The following CACNB2 variants were observed in gnomAD, a reference collection of about 807,000 sequenced individuals.
CACNB2 encodes the protein voltage-dependent L-type calcium channel subunit beta-2.
In CACNB2, 42 loss-of-function variants were observed where a neutral mutation model predicts 73.3. The ratio of observed to expected loss-of-function variants is 0.57; its 90% CI spans 0.45 to 0.74. The LOEUF (loss-of-function observed/expected upper bound fraction) is 0.74. CACNB2 is among the 30% of genes least tolerant of loss of function. CACNB2 has a pLI of 0.00. For synonymous variants in CACNB2, 348 were observed against 310.3 expected, an observed-to-expected ratio of 1.12 and a Z score of -1.28; for missense variants, 940 against 853.0, an observed-to-expected ratio of 1.10 and a Z score of -1.27.
intron 4 of CACNB2, chr10:18,498,805 C>G (rs2049996015): frequency 3.2e-6 from 1 of 313,984 alleles, no homozygotes; most frequent in Admixed American, 4.8e-5. Context: ...GTAGTTTTTC[C>G]TGATGCCTGA....
intron 5 of CACNB2, among the ~76,000 whole-genome samples, chr10:18,504,308 C>T (rs546399573): frequency 6.6e-6 from 1 of 152,334 alleles, no homozygotes; most frequent in Admixed American, 6.5e-5. Flanking sequence ...CTGACCTCCA[C>T]GCTGTACAGA....
intron 2 of CACNB2, among the ~76,000 whole-genome samples, chr10:18,364,725 T>A (rs1339351072): frequency 6.6e-6 from 1 of 152,234 alleles, no homozygotes; most frequent in Non-Finnish European, 1.5e-5. Flanking sequence ...CCACCGTTTC[T>A]TTTGTGTGTA....
chr10:18,518,364 T>C lies in CACNB2; in HGVS notation c.833T>C (p.Val278Ala). The change falls in exon 8 of 14, where the codon GTA becomes GCA. Residue 278 changes from valine (V) to alanine (A), a missense_variant. Transcript: ENST00000324631. ...KTEHTPPYDV[V>A]PSMRPVVLVG... is the part of the protein sequence containing the mutation. ...GAGCACACTCCTCCGTATGATGTGG[T>C]ACCTTCCATGCGACCAGTGGTCCTA... 3 of 1,613,678 alleles carry C rather than the reference T, an allele frequency of 1.9e-6. No homozygotes were observed. Among genetic ancestry groups the C allele is most frequent in the Non-Finnish European group, 2.5e-6 (3 of 1,179,576 alleles).
At chr10:18,255,284 T>C (rs1744065959) in intron 2 of CACNB2, among the ~76,000 whole-genome samples, 1 of 152,142 alleles carries the variant, frequency 6.6e-6, no homozygotes, top group Admixed American at 6.5e-5. Flanking sequence ...CTGGGCCTTC[T>C]CCCTTCTACC....
chr10:18,533,807 A>C (rs1673820764), intron 10 of CACNB2, among the ~76,000 whole-genome samples: 1 of 152,242 alleles, frequency 6.6e-6, no homozygotes, highest in Non-Finnish European at 1.5e-5. Context: ...GAATGTCAGC[A>C]GAGAGCTAAA....
chr10:18,185,037 CTA>C (rs1488063356), intron 2 of CACNB2, among the ~76,000 whole-genome samples: 2 of 152,084 alleles, frequency 1.3e-5, no homozygotes, highest in African/African-American at 2.4e-5. Context: ...CAGAATCCCA[CTA>C]TGTTTCCCAA....
chr10:18,338,237 A>T (rs530325659), intron 2 of CACNB2, among the ~76,000 whole-genome samples: 68 of 152,370 alleles, frequency 4.5e-4, no homozygotes, highest in Non-Finnish European at 9.4e-4. Flanking sequence ...ACCTGATTTT[A>T]AAATGTATGA....
intron 3 of CACNB2, among the ~76,000 whole-genome samples, chr10:18,484,410 A>T (rs2048952673): frequency 3.1e-5 from 1 of 32,630 alleles, no homozygotes; most frequent in African/African-American, 1.6e-4. Context: ...AAAAAAAAAA[A>T]TAGATACAGT....
At chr10:18,498,319 C>T (rs2049960749) in intron 3 of CACNB2, 36 bp from the exon 4 acceptor site, 1 of 1,613,146 alleles carries the variant, frequency 6.2e-7, no homozygotes, top group South Asian at 1.1e-5. Context: ...TGTTGTTTTG[C>T]TCTTATTTTT....
At chr10:18,246,168 C>T (rs1253989194) in intron 2 of CACNB2, among the ~76,000 whole-genome samples, 2 of 152,156 alleles carry the variant, frequency 1.3e-5, no homozygotes, top group Non-Finnish European at 2.9e-5. Flanking sequence ...GCCCACTACC[C>T]TTCCCCTGGC....
chr10:18,163,059 G>T (rs995638702), intron 2 of CACNB2, among the ~76,000 whole-genome samples: 3 of 152,136 alleles, frequency 2.0e-5, no homozygotes. Flanking sequence ...ATATGAAGCA[G>T]TGTGCCGGAG....
Position 18,543,260 on chromosome 10 carries a change from T to C in CACNB2, c.*3536T>C, listed in dbSNP as rs1163653714. Reference sequence around the variant, plus strand: ...CTTTCTTGGGGCAATGCTAAATACTTTATGTTCCTTTAGTAATCTTCCTAT... The same window carrying C: ...CTTTCTTGGGGCAATGCTAAATACTCTATGTTCCTTTAGTAATCTTCCTAT... On this transcript the variant is annotated 3_prime_UTR_variant, in exon 14 of 14. Coordinates refer to ENST00000324631, the MANE Select transcript of CACNB2 (RefSeq NM_201596.3). 6.6e-6 allele frequency: 1 copy of C among 152,140 alleles called. No individual in the cohort carries two copies. The highest frequency in any genetic ancestry group is 1.5e-5 in the Non-Finnish European group (1 of 68,010). The allele number at this position is 152,140 out of a possible 1,614,324, so 9.4% of individuals were successfully genotyped here. A position where few individuals can be genotyped will look rare whatever the true frequency, so the allele number is the denominator to read the frequency against.
rs372187050 is a variant in CACNB2 at position 18,216,462 on chromosome 10, A to G, written c.213+65487A>G. Among the ~76,000 whole-genome samples the G allele has an allele frequency of 2.6e-5, 4 of 152,330 alleles. No homozygotes were observed. In the East Asian group the frequency reaches 5.8e-4, roughly 22 times the overall value. ...CAAACCAAAAAGCTACATGGTGATT[A>G]TTATGAGTGGACATATCCCACGTAA... On this transcript the variant is annotated intron_variant, in intron 2 of 13. Coordinates refer to ENST00000324631, the MANE Select transcript of CACNB2 (RefSeq NM_201596.3).
chr10:18,536,206 C>A lies in CACNB2; in HGVS notation c.1302+10C>A. 9.8e-7 allele frequency: 1 copy of A among 1,025,052 alleles called. No homozygotes were observed. The highest frequency in any genetic ancestry group is 1.5e-6 in the Non-Finnish European group (1 of 684,024). 63.5% of individuals were successfully genotyped at this position (1,025,052 alleles called of 1,614,324 possible). On this transcript the variant is annotated intron_variant, in intron 12 of 13. Coordinates refer to ENST00000324631, the MANE Select transcript of CACNB2 (RefSeq NM_201596.3). The stretch of plus-strand genomic sequence containing the variant: ...GGCTCAGTGTCCTCCAGTAAGTTAT[C>A]TCTATATACAGCATAATCCAGTTAC...
At chr10:18,524,654 T>TA (rs35663592) in intron 9 of CACNB2, among the ~76,000 whole-genome samples, 4,814 of 116,834 alleles carry the variant, frequency 0.041, 187 homozygotes, top group African/African-American at 0.1. Context: ...GACTCTATCT[T>TA]AAAAAAAAAA....
intron 3 of CACNB2, 41 bp from the exon 4 acceptor site, chr10:18,498,314 T>G: frequency 6.2e-7 from 1 of 1,612,866 alleles, no homozygotes; most frequent in Non-Finnish European, 8.5e-7. Flanking sequence ...GACAGTGTTG[T>G]TTTGCTCTTA....
At chr10:18,496,527 G>T (rs749653268) in intron 3 of CACNB2, among the ~76,000 whole-genome samples, 1 of 152,076 alleles carries the variant, frequency 6.6e-6, no homozygotes, top group Non-Finnish European at 1.5e-5. Context: ...TAAAGAATAG[G>T]TTAAGCCGGA....
chr10:18,392,843 C>A (rs1011920062), intron 2 of CACNB2, among the ~76,000 whole-genome samples: 18 of 152,174 alleles, frequency 1.2e-4, no homozygotes, highest in African/African-American at 4.1e-4. Flanking sequence ...TTTTCTGCTC[C>A]CTGCCTACTT....
intron 2 of CACNB2, among the ~76,000 whole-genome samples, chr10:18,242,095 GTA>G (rs921585300): frequency 3.6e-5 from 4 of 111,234 alleles, no homozygotes; most frequent in South Asian, 3.0e-4. Context: ...ATATGTGTGT[GTA>G]TATATATGTA....
Sources: gnomAD v4.1 joint callset for allele counts (sites outside exome capture counted in the v4.1 genomes callset) on GRCh38, gnomAD v4.1.1 for gene constraint, MANE v1.5 for transcripts, NCBI Gene and HGNC (gene_info 2026-07-23, HGNC 2026-07-21) for gene names.